Variants in LSAMP observed in about 807,000 individuals in gnomAD.
LSAMP encodes the protein limbic system-associated membrane protein.
A neutral mutation model predicts 38.6 loss-of-function variants in LSAMP; 7 were observed. The ratio of observed to expected loss-of-function variants is 0.18; its 90% CI spans 0.10 to 0.34. LSAMP has a LOEUF of 0.34. LSAMP is among the 10% of genes least tolerant of loss of function. LSAMP has a pLI of 1.00. For missense variants in LSAMP, 313 were observed against 420.0 expected, an observed-to-expected ratio of 0.75 and a Z score of 2.23; for synonymous variants, 154 against 166.8, an observed-to-expected ratio of 0.92 and a Z score of 0.59.
intron 1 of LSAMP, among the ~76,000 whole-genome samples, chr3:116,160,714 T>C (rs1709869343): frequency 6.6e-6 from 1 of 152,218 alleles, no homozygotes; most frequent in Non-Finnish European, 1.5e-5. Context: ...CAACACTTGA[T>C]GACTGGTATG....
At chr3:116,067,133 G>C (rs939497976) in intron 2 of LSAMP, among the ~76,000 whole-genome samples, 4 of 152,090 alleles carry the variant, frequency 2.6e-5, no homozygotes, top group African/African-American at 9.7e-5. Flanking sequence ...CCTCACTTCA[G>C]GCTTCAACTT....
chr3:116,297,425 G>A (rs1189964686), intron 1 of LSAMP, among the ~76,000 whole-genome samples: 1 of 152,062 alleles, frequency 6.6e-6, no homozygotes, highest in African/African-American at 2.4e-5. Flanking sequence ...AGAAAATACT[G>A]TATGATTATT....
chr3:115,954,261 A>G (rs1290243513), intron 3 of LSAMP, among the ~76,000 whole-genome samples: 1 of 152,086 alleles, frequency 6.6e-6, no homozygotes, highest in Non-Finnish European at 1.5e-5. Context: ...CTGGGAGCAC[A>G]GTTTTACTGT....
chr3:116,145,202 T>C (rs952795997), intron 1 of LSAMP, among the ~76,000 whole-genome samples: 1 of 151,974 alleles, frequency 6.6e-6, no homozygotes, highest in African/African-American at 2.4e-5. Flanking sequence ...ATATTTTTTC[T>C]TCCCCATTTT....
In LSAMP at chr3:116,432,058, A is replaced by C. The variant is rs2049288282; in HGVS notation, c.155+12819T>G. On this transcript the variant is annotated intron_variant, in intron 1 of 6. Transcript: ENST00000490035. ...ACTCCCCTTACAATATAATCTTAGC[A>C]CCTTGCATGATTAATTAAAAATAAA... Among the ~76,000 whole-genome samples, 4 of 152,068 alleles carry C rather than the reference A, an allele frequency of 2.6e-5. No homozygotes were observed. In the South Asian group the frequency reaches 8.3e-4, roughly 32 times the overall value.
chr3:116,190,088 GAC>G (rs3071108), intron 1 of LSAMP, among the ~76,000 whole-genome samples: 75,384 of 142,684 alleles, frequency 0.53, 20,202 homozygotes, highest in East Asian at 0.73. Context: ...TCCAGTAGTA[GAC>G]ACACACACAC....
Position 115,875,083 on chromosome 3 carries a change from T to C in LSAMP, c.515-22466A>G, listed in dbSNP as rs188629479. 8.5e-4 allele frequency among the ~76,000 whole-genome samples: 130 copies of C among 152,216 alleles called. 2 individuals are homozygous for C. Among genetic ancestry groups the C allele is most frequent in the Admixed American group, 8.2e-3 (126 of 15,274 alleles). ...TTTTATAACAAATTCAAAAGATAGA[T>C]TAGGAATTGGATAGTGAGTAAAAGG... On this transcript the variant is annotated intron_variant, in intron 3 of 6. Coordinates refer to ENST00000490035, the MANE Select transcript of LSAMP (RefSeq NM_002338.5).
intron 1 of LSAMP, among the ~76,000 whole-genome samples, chr3:116,170,968 A>G (rs897071784): frequency 5.3e-5 from 8 of 152,238 alleles, no homozygotes; most frequent in Middle Eastern, 3.4e-3. Flanking sequence ...TATTTTTCTC[A>G]TATCTCATGG....
intron 1 of LSAMP, among the ~76,000 whole-genome samples, chr3:116,304,877 A>G (rs1438565563): frequency 6.6e-6 from 1 of 152,102 alleles, no homozygotes; most frequent in Non-Finnish European, 1.5e-5. Context: ...GGAAAGGTGG[A>G]AAGGAAGGAG....
chr3:116,198,194 T>C (rs1159228164), intron 1 of LSAMP, among the ~76,000 whole-genome samples: 1 of 152,222 alleles, frequency 6.6e-6, no homozygotes, highest in African/African-American at 2.4e-5. Context: ...AAGTTGCTAC[T>C]GTTCATAGTG....
chr3:116,444,750 A>T, intron 1 of LSAMP, 127 bp downstream of exon 1: 1 of 1,210,808 alleles, frequency 8.3e-7, no homozygotes, highest in Non-Finnish European at 1.2e-6. Flanking sequence ...ACACACCACA[A>T]GCCTGCAGCA....
At chr3:116,209,427 A>C (rs929568670) in intron 1 of LSAMP, among the ~76,000 whole-genome samples, 1 of 152,150 alleles carries the variant, frequency 6.6e-6, no homozygotes, top group Non-Finnish European at 1.5e-5. Flanking sequence ...CTCTTCCCTC[A>C]AATTTCTATA....
intron 1 of LSAMP, among the ~76,000 whole-genome samples, chr3:116,442,045 T>C (rs898470756): frequency 3.3e-5 from 5 of 152,200 alleles, no homozygotes; most frequent in Non-Finnish European, 7.3e-5. Context: ...ACCATAATTA[T>C]ATAGTTTTTA....
chr3:115,869,267 GGGGAGAGAGAGAGAGAGAGAGAGA>G (rs1381534443), intron 3 of LSAMP, among the ~76,000 whole-genome samples: 1 of 108,706 alleles, frequency 9.2e-6, no homozygotes, highest in Non-Finnish European at 1.9e-5. Flanking sequence ...TATCTTGGAG[GGGGAGAGAGAGAGAGAGAGAGAGA>G]GAGAGAGAGA....
chr3:115,992,287 TA>T (rs1939692633), intron 3 of LSAMP, among the ~76,000 whole-genome samples: 1 of 151,952 alleles, frequency 6.6e-6, no homozygotes. Flanking sequence ...ATGGCAGCAG[TA>T]GTTGATGAGG....
chr3:115,863,951 A>C (rs1242888004), intron 3 of LSAMP, among the ~76,000 whole-genome samples: 1 of 152,176 alleles, frequency 6.6e-6, no homozygotes, highest in Non-Finnish European at 1.5e-5. Flanking sequence ...AGTAATAAGC[A>C]AGTTGATATT....
chr3:116,015,927 T>C (rs1940468229), intron 3 of LSAMP, among the ~76,000 whole-genome samples: 1 of 152,038 alleles, frequency 6.6e-6, no homozygotes, highest in African/African-American at 2.4e-5. Context: ...CCCTGTGGGG[T>C]CGAGTTAATT....
chr3:116,037,757 C>T (rs1332246082), intron 2 of LSAMP, among the ~76,000 whole-genome samples: 2 of 151,926 alleles, frequency 1.3e-5, no homozygotes, highest in Admixed American at 1.3e-4. Flanking sequence ...TATACTTGGC[C>T]TAGCACACCT....
chr3:116,209,499 G>T (rs1393017432), intron 1 of LSAMP, among the ~76,000 whole-genome samples: 1 of 152,148 alleles, frequency 6.6e-6, no homozygotes, highest in Non-Finnish European at 1.5e-5. Flanking sequence ...TAGTTTTCCA[G>T]TCTTTTTGAA....
Sources: gnomAD v4.1 joint callset for allele counts (sites outside exome capture counted in the v4.1 genomes callset) on GRCh38, gnomAD v4.1.1 for gene constraint, MANE v1.5 for transcripts, NCBI Gene and HGNC (gene_info 2026-07-23, HGNC 2026-07-21) for gene names.